The following WBP11 variants were observed in gnomAD, a reference collection of about 807,000 sequenced individuals.
WBP11 encodes the protein WW domain-binding protein 11.
Under a neutral mutation model 66.7 loss-of-function variants are expected in WBP11, and 12 were observed. That is an observed-to-expected ratio of 0.18 (90% confidence interval 0.12 to 0.29). WBP11 has a LOEUF of 0.29. Ranked by LOEUF, WBP11 falls within the 10% of genes least tolerant of loss-of-function variation. WBP11 has a pLI of 1.00. For synonymous variants in WBP11, 255 were observed against 273.8 expected (o/e 0.93, Z 0.68); for missense variants, 555 against 818.3 (o/e 0.68, Z 3.93).
At chr12:14,792,831 C>CA (rs77910025) in intron 8 of WBP11, among the ~76,000 whole-genome samples, 3,084 of 74,928 alleles carry the variant, frequency 0.041, 102 homozygotes, top group African/African-American at 0.13. Context: ...GAGATTGTCT[C>CA]AAAAAAAAAA....
chr12:14,791,390 G>A (rs981306223), intron 8 of WBP11, 120 bp from the exon 9 acceptor site: 1 of 680,962 alleles, frequency 1.5e-6, no homozygotes, highest in African/African-American at 1.8e-5. Context: ...AGAGGTGCAG[G>A]ATGAGATAGC....
In WBP11 at chr12:14,790,691, T is replaced by A. The variant is rs1258873729; in HGVS notation, c.1074A>T (p.Glu358Asp). Reference sequence around the variant, plus strand: ...CTGCTTCAGAGTCATCAGAATCATCTTCATCATCGTCCTCTGAAAATTCCT... The same window carrying A: ...CTGCTTCAGAGTCATCAGAATCATCATCATCATCGTCCTCTGAAAATTCCT... ...EVEEFSEDDD[E>D]DDSDDSEAEK... is the part of the protein sequence containing the mutation. Residue 358 changes from glutamate to aspartate, a missense_variant, in exon 10 of 12, where the codon GAA (glutamate) becomes GAT (aspartate). By Grantham distance (45) the Glu-to-Asp change is conservative. Coordinates refer to ENST00000261167, the MANE Select transcript of WBP11 (RefSeq NM_016312.3). 1 of 1,614,206 alleles carries A rather than the reference T, an allele frequency of 6.2e-7. No homozygotes were observed. The highest frequency in any genetic ancestry group is 8.5e-7 in the Non-Finnish European group (1 of 1,180,042).
In WBP11 at chr12:14,790,427, AACTTTATTC is replaced by A. The variant is rs1275042868; in HGVS notation, c.1309+20_1309+28del. The A allele has an allele frequency of 1.2e-6, 2 of 1,603,020 alleles. No homozygotes were observed. The highest frequency in any genetic ancestry group is 1.7e-6 in the Non-Finnish European group (2 of 1,174,694). ...AATGACTTCATTCTAACCTCATTTA[AACTTTATTC>A]ACATTATGTAAGTGTTTACCTGGAG... On this transcript the variant is annotated intron_variant, in intron 10 of 11. Coordinates refer to ENST00000261167, the MANE Select transcript of WBP11 (RefSeq NM_016312.3).
At position 14,794,712 on chromosome 12, in the gene WBP11, G is replaced by T. The variant is rs779744541; in HGVS notation, c.546C>A (p.Ile182=). The change falls in exon 7 of 12, where the codon ATC becomes ATA. Residue 182 remains isoleucine (I), a synonymous_variant. Coordinates refer to ENST00000261167, the MANE Select transcript of WBP11 (RefSeq NM_016312.3). ...GAACACCATGTCCAAGAAGAGGAAGGATAGAAACTGCCCGAGTTGGAGGTC... is the reference window on the plus strand; with the variant it reads ...GAACACCATGTCCAAGAAGAGGAAGTATAGAAACTGCCCGAGTTGGAGGTC... ...AYGPPTRAVS[I]LPLLGHGVPR... is the part of the protein sequence containing the mutation. 1.3e-6 allele frequency: 2 copies of T among 1,569,160 alleles called. No homozygotes were observed. The highest frequency in any genetic ancestry group is 1.2e-5 in the South Asian group (1 of 83,916).
At chr12:14,787,566 T>A in intron 11 of WBP11, 68 bp from the exon 12 acceptor site, 2 of 1,341,592 alleles carry the variant, frequency 1.5e-6, no homozygotes, top group Middle Eastern at 4.4e-4. Flanking sequence ...ATTAAGGACA[T>A]TTAAATATTG....
At position 14,796,670 on chromosome 12, in the gene WBP11, C is replaced by T. The variant is rs1206309954; in HGVS notation, c.387+137G>A. ...CATCCCCAAAATATATGCAAATATA[C>T]ACAAAAACAAAACAAAATATAAAAA... On this transcript the variant is annotated intron_variant, in intron 5 of 11. Coordinates refer to ENST00000261167, the MANE Select transcript of WBP11 (RefSeq NM_016312.3). The surrounding 1 kb of genome is among the most constrained non-coding windows in gnomAD (Gnocchi z 4.5). 5 of 796,460 alleles carry T rather than the reference C, an allele frequency of 6.3e-6. No individual in the cohort carries two copies. In the East Asian group the frequency reaches 1.6e-4, roughly 25 times the overall value. 49.3% of individuals were successfully genotyped at this position (796,460 alleles called of 1,614,324 possible). A position where few individuals can be genotyped will look rare whatever the true frequency, so the allele number is the denominator to read the frequency against.
rs1949895781 is a variant in WBP11, at chr12:14,796,496, C to T, written c.387+311G>A. Among the ~76,000 whole-genome samples, 3 of 152,144 alleles carry T rather than the reference C, an allele frequency of 2.0e-5. No individual in the cohort carries two copies. The highest frequency in any genetic ancestry group is 1.3e-4 in the Admixed American group (2 of 15,284). ...ATCTAAAATGCTCCAAAATCCTAAA[C>T]TTTTTGACTCCCATATGATGCCATG... On this transcript the variant is annotated intron_variant, in intron 5 of 11. Coordinates refer to ENST00000261167, the MANE Select transcript of WBP11 (RefSeq NM_016312.3). This position sits in a 1 kb window ranked among gnomAD's most constrained non-coding sequence, Gnocchi z 4.5.
chr12:14,790,766 AC>A lies in WBP11; in HGVS notation c.1016-18del. On this transcript the variant is annotated intron_variant, in intron 9 of 11. Coordinates refer to ENST00000261167, the MANE Select transcript of WBP11 (RefSeq NM_016312.3). ...TTTCTTGACCTGAAAGAAATTTTAAACCCAGTAAATGGAGTTGATTCATTTT... is the reference window on the plus strand; with the variant it reads ...TTTCTTGACCTGAAAGAAATTTTAAACCAGTAAATGGAGTTGATTCATTTT... 1 of 1,605,286 alleles carries A rather than the reference AC, an allele frequency of 6.2e-7. No individual in the cohort carries two copies. Among genetic ancestry groups the A allele is most frequent in the Non-Finnish European group, 8.5e-7 (1 of 1,175,406 alleles).
intron 9 of WBP11, 145 bp downstream of exon 9, chr12:14,791,024 T>A (rs1362329172): frequency 1.2e-6 from 1 of 840,322 alleles, no homozygotes; most frequent in Non-Finnish European, 1.8e-6. Context: ...AGGCAGCCTA[T>A]ATAATGGTTC....
chr12:14,799,492 T>TAATG (rs1398382047), intron 4 of WBP11, 143 bp downstream of exon 4: 3 of 744,600 alleles, frequency 4.0e-6, no homozygotes, highest in Non-Finnish European at 6.2e-6. Context: ...CACTCCATTT[T>TAATG]GTCTCCCTGA....
chr12:14,786,842 A>C lies in WBP11; in HGVS notation c.*223T>G. ...GGTGAAAATGGTGGTATGAAAGGGA[A>C]TGGATGTTAGCAGCACTGCTTCAAT... On this transcript the variant is annotated 3_prime_UTR_variant, in exon 12 of 12. Coordinates refer to ENST00000261167, the MANE Select transcript of WBP11 (RefSeq NM_016312.3). 6.6e-6 allele frequency: 3 copies of C among 455,702 alleles called. No homozygotes were observed. Among genetic ancestry groups the C allele is most frequent in the East Asian group, 3.5e-5 (1 of 28,524 alleles). 28.2% of individuals were successfully genotyped at this position (455,702 alleles called of 1,614,324 possible). A position where few individuals can be genotyped will look rare whatever the true frequency, so the allele number is the denominator to read the frequency against.
rs1186819258 is a variant in WBP11, at chr12:14,794,239, G to A, written c.721+298C>T. 3.9e-5 allele frequency among the ~76,000 whole-genome samples: 6 copies of A among 151,970 alleles called. No homozygotes were observed. In the South Asian group the frequency reaches 6.2e-4, roughly 16 times the overall value. ...ACAGTCAGTGAATGTATACAATGAC[G>A]CTCTAGTCTGATGACAATAAAGCTA... On this transcript the variant is annotated intron_variant, in intron 7 of 11. Coordinates refer to ENST00000261167, the MANE Select transcript of WBP11 (RefSeq NM_016312.3).
chr12:14,791,107 A>G (rs1037175860), intron 9 of WBP11, 62 bp downstream of exon 9: 41 of 1,485,754 alleles, frequency 2.8e-5, no homozygotes, highest in Admixed American at 7.1e-5. Context: ...GGAAAAACGT[A>G]TGTAAAGTAA....
Position 14,799,733 on chromosome 12 carries a change from G to C in WBP11, c.97-5C>G, listed in dbSNP as rs200632275. On this transcript the variant is annotated splice_polypyrimidine_tract_variant and splice_region_variant and intron_variant, in intron 3 of 11. Transcript: ENST00000261167. The stretch of plus-strand genomic sequence containing the variant: ...CATCATGCGCTGTTTTTTGTTCTTA[G>C]AAAAATAAAAGGGCAGATGTCAAGA... 6.2e-7 allele frequency: 1 copy of C among 1,610,924 alleles called. No individual in the cohort carries two copies. Among genetic ancestry groups the C allele is most frequent in the East Asian group, 2.2e-5 (1 of 44,750 alleles).
At position 14,796,677 on chromosome 12, in the gene WBP11, A is replaced by G. The variant is rs1240269905; in HGVS notation, c.387+130T>C. On this transcript the variant is annotated intron_variant, in intron 5 of 11. Coordinates refer to ENST00000261167, the MANE Select transcript of WBP11 (RefSeq NM_016312.3). This position sits in a 1 kb window ranked among gnomAD's most constrained non-coding sequence, Gnocchi z 4.5. ...AAAATATATGCAAATATACACAAAA[A>G]CAAAACAAAATATAAAAAAAACCCA... 6 of 877,908 alleles carry G rather than the reference A, an allele frequency of 6.8e-6. No homozygotes were observed. The East Asian group carries it at 1.8e-4, about 27-fold the overall frequency. The allele number at this position is 877,908 out of a possible 1,614,324, so 54.4% of individuals were successfully genotyped here.
intron 10 of WBP11, among the ~76,000 whole-genome samples, chr12:14,789,990 C>CTGT (rs1473820824): frequency 1.3e-5 from 2 of 152,212 alleles, no homozygotes; most frequent in Non-Finnish European, 2.9e-5. Flanking sequence ...AAACTGAACA[C>CTGT]TTAATAAACA....
At chr12:14,792,346 A>G (rs1328079901) in intron 8 of WBP11, among the ~76,000 whole-genome samples, 1 of 152,240 alleles carries the variant, frequency 6.6e-6, no homozygotes, top group Non-Finnish European at 1.5e-5. Context: ...GACACTGGAT[A>G]GGAGTATTTT....
Position 14,790,483 on chromosome 12 carries a change from T to G in WBP11, c.1282A>C (p.Thr428Pro). 1 of 1,613,934 alleles carries G rather than the reference T, an allele frequency of 6.2e-7. No homozygotes were observed. Among genetic ancestry groups the G allele is most frequent in the Non-Finnish European group, 8.5e-7 (1 of 1,179,820 alleles). The part of the protein sequence containing the change: ...APPLRPPGPP[T>P]GLPPGPPPGA... ...GGAGGTGGACCAGGAGGAAGGCCTG[T>G]AGGTGGCCCAGGAGGCCGTAATGGT... The change falls in exon 10 of 12, where the codon ACA becomes CCA. Residue 428 changes from threonine to proline, a missense_variant. Coordinates refer to ENST00000261167, the MANE Select transcript of WBP11 (RefSeq NM_016312.3).
chr12:14,789,540 G>A (rs1204470141), intron 10 of WBP11, among the ~76,000 whole-genome samples: 2 of 152,086 alleles, frequency 1.3e-5, no homozygotes. Context: ...AGCTGAGATT[G>A]CGCCATTGCA....
Sources: allele counts gnomAD v4.1 joint callset (sites outside exome capture counted in the v4.1 genomes callset), GRCh38; gene constraint gnomAD v4.1.1; non-coding constraint Gnocchi (gnomAD v3.1); transcripts MANE v1.5; gene names NCBI Gene and HGNC (gene_info 2026-07-23, HGNC 2026-07-21).